Variants in SPEF2 observed in about 807,000 individuals in gnomAD.
The protein encoded by SPEF2 is sperm flagellar and cilia associated 2.
Under a neutral mutation model 224.6 loss-of-function variants are expected in SPEF2, and 187 were observed. The ratio of observed to expected loss-of-function variants is 0.83; its 90% CI spans 0.74 to 0.94. SPEF2 has a LOEUF of 0.94. Among genes scored for constraint, SPEF2 ranks in the 40% least tolerant of loss-of-function variants. The probability of loss-of-function intolerance (pLI) is 0.00; values close to 1 mark genes in which losing one functional copy is unlikely to be tolerated. For synonymous variants in SPEF2, 715 were observed against 707.3 expected, an observed-to-expected ratio of 1.01 and a Z score of -0.17; for missense variants, 2,170 against 2,135.6, an observed-to-expected ratio of 1.02 and a Z score of -0.32.
chr5:35,631,113 A>C (rs1745047876), intron 2 of SPEF2, among the ~76,000 whole-genome samples: 1 of 152,192 alleles, frequency 6.6e-6, no homozygotes, highest in Non-Finnish European at 1.5e-5. Context: ...ATGGATGGGG[A>C]GGCCTCACAA....
At chr5:35,720,062 A>G (rs1460847176) in intron 20 of SPEF2, among the ~76,000 whole-genome samples, 1 of 152,234 alleles carries the variant, frequency 6.6e-6, no homozygotes, top group African/African-American at 2.4e-5. Flanking sequence ...AGCCTAGGTA[A>G]AATAACCACT....
intron 18 of SPEF2, among the ~76,000 whole-genome samples, chr5:35,708,622 T>C (rs1482284397): frequency 1.9e-3 from 1 of 520 alleles, no homozygotes; most frequent in Non-Finnish European, 5.4e-3. Flanking sequence ...CACCTCTACC[T>C]CCACCACCAT....
intron 36 of SPEF2, among the ~76,000 whole-genome samples, chr5:35,810,002 CATA>C (rs1235197761): frequency 2.0e-5 from 3 of 152,252 alleles, no homozygotes; most frequent in African/African-American, 7.2e-5. Context: ...TATTTCCTCT[CATA>C]CTGGAAAGAA....
chr5:35,780,138 G>A (rs1754128233), intron 30 of SPEF2, among the ~76,000 whole-genome samples: 1 of 152,104 alleles, frequency 6.6e-6, no homozygotes, highest in Non-Finnish European at 1.5e-5. Flanking sequence ...CCTTCTCACT[G>A]AACTAAGTTG....
intron 36 of SPEF2, chr5:35,808,140 C>T (rs1225379663): frequency 1.0e-6 from 1 of 987,142 alleles, no homozygotes; most frequent in Non-Finnish European, 1.2e-6. Flanking sequence ...TAAATATCTT[C>T]CTGTGTGCCT....
At chr5:35,680,998 C>A (rs985198842) in intron 10 of SPEF2, among the ~76,000 whole-genome samples, 2 of 152,144 alleles carry the variant, frequency 1.3e-5, no homozygotes, top group African/African-American at 2.4e-5. Flanking sequence ...TATAAATGGG[C>A]AATCGGCTTG....
chr5:35,656,482 T>C (rs2149442308), intron 7 of SPEF2, among the ~76,000 whole-genome samples: 1 of 152,310 alleles, frequency 6.6e-6, no homozygotes, highest in East Asian at 1.9e-4. Context: ...GAATTTCAAA[T>C]TATGAAAACT....
At chr5:35,710,024 A>C (rs554626033) in intron 19 of SPEF2, 429 of 977,932 alleles carry the variant, frequency 4.4e-4, no homozygotes, top group Non-Finnish European at 5.1e-4. Context: ...ATATTAAACA[A>C]AGACATATGA....
intron 20 of SPEF2, among the ~76,000 whole-genome samples, chr5:35,720,507 A>C (rs2149630784): frequency 6.6e-6 from 1 of 152,356 alleles, no homozygotes. Context: ...AGCTCATTAT[A>C]AACTATCTTT....
At chr5:35,649,943 A>G (rs1165358174) in intron 6 of SPEF2, among the ~76,000 whole-genome samples, 8 of 152,150 alleles carry the variant, frequency 5.3e-5, no homozygotes, top group Non-Finnish European at 7.3e-5. Context: ...GCTCCTTCAC[A>G]CTTTGTTTTC....
At position 35,793,261 on chromosome 5, in the gene SPEF2, G is replaced by A; in HGVS notation, c.4657G>A (p.Glu1553Lys). 4 of 1,614,160 alleles carry A rather than the reference G, an allele frequency of 2.5e-6. No homozygotes were observed. Among genetic ancestry groups the A allele is most frequent in the Non-Finnish European group, 2.5e-6 (3 of 1,180,024 alleles). Residue 1553 changes from glutamate (E) to lysine (K), a missense_variant, in exon 32 of 37, where the codon GAG becomes AAG. Physicochemically the swap from Glu to Lys is moderately conservative, Grantham distance 56. Coordinates refer to ENST00000356031, the MANE Select transcript of SPEF2 (RefSeq NM_024867.4). ...SMPWPIPLEEELLETLQKFKA... is the reference protein window; with the variant it reads ...SMPWPIPLEEKLLETLQKFKA... ...GCCTTGGCCCATTCCCTTGGAGGAG[G>A]AGCTCCTTGAGACCCTTCAGAAGTT...
chr5:35,759,856 GTT>G, intron 25 of SPEF2, 137 bp downstream of exon 25: 4 of 590,050 alleles, frequency 6.8e-6, no homozygotes, highest in South Asian at 4.1e-5. Flanking sequence ...AACCAAACAT[GTT>G]TTTTTTTTAA....
intron 2 of SPEF2, among the ~76,000 whole-genome samples, chr5:35,637,682 C>A (rs915329435): frequency 1.3e-4 from 20 of 152,110 alleles, no homozygotes; most frequent in African/African-American, 4.8e-4. Flanking sequence ...ACATCCTAAC[C>A]CATACCTACA....
intron 27 of SPEF2, among the ~76,000 whole-genome samples, chr5:35,773,128 T>A: frequency 6.6e-6 from 1 of 152,148 alleles, no homozygotes; most frequent in Non-Finnish European, 1.5e-5. Flanking sequence ...CCTGTAACCC[T>A]GCACTTTGGG....
intron 18 of SPEF2, among the ~76,000 whole-genome samples, chr5:35,707,760 T>G (rs899113041): frequency 3.3e-5 from 5 of 152,022 alleles, no homozygotes; most frequent in Admixed American, 2.6e-4. Flanking sequence ...GGGCTAACCA[T>G]CTCCCCTGAC....
chr5:35,713,398 A>AT (rs1240177461), intron 20 of SPEF2, among the ~76,000 whole-genome samples: 1 of 152,048 alleles, frequency 6.6e-6, no homozygotes, highest in Non-Finnish European at 1.5e-5. Context: ...ACCTGTCTAC[A>AT]TTTTTTTGTA....
chr5:35,702,401 C>A, intron 16 of SPEF2: 1 of 438,390 alleles, frequency 2.3e-6, no homozygotes, highest in Non-Finnish European at 4.6e-6. Flanking sequence ...GAGTAAAAGG[C>A]TGCATTGGAA....
At position 35,801,884 on chromosome 5, in the gene SPEF2, T is replaced by C. The variant is rs537820455; in HGVS notation, c.5010+1737T>C. On this transcript the variant is annotated intron_variant, in intron 34 of 36. Transcript: ENST00000356031. ...TCTGTTTTGTTCTGCATCCCTGAAG[T>C]TGAGGCAAGGCCTGGTACAGAGCTC... Among the ~76,000 whole-genome samples, 4 of 152,332 alleles carry C rather than the reference T, an allele frequency of 2.6e-5. No individual in the cohort carries two copies. The East Asian group carries it at 7.7e-4, about 29-fold the overall frequency.
rs1751062361 is a variant in SPEF2, at chr5:35,760,296, G to A, written c.3620+577G>A. ...GAGAATGGCATGAACCTGGGAGGCG[G>A]AGCTTGCAGCGAGCCAAGATCTCAC... On this transcript the variant is annotated intron_variant, in intron 25 of 36. Transcript: ENST00000356031. 3.3e-5 allele frequency among the ~76,000 whole-genome samples: 5 copies of A among 151,878 alleles called. 1 individual carries two copies. The South Asian group carries it at 8.3e-4, about 25-fold the overall frequency.
Sources: allele counts gnomAD v4.1 joint callset (sites outside exome capture counted in the v4.1 genomes callset), GRCh38; gene constraint gnomAD v4.1.1; transcripts MANE v1.5; gene names NCBI Gene and HGNC (gene_info 2026-07-23, HGNC 2026-07-21).